The following RPL7 variants were observed in gnomAD, a reference collection of about 807,000 sequenced individuals.
The protein encoded by RPL7 is large ribosomal subunit protein uL30.
For synonymous variants in RPL7, 100 were observed against 102.2 expected (o/e 0.98, Z 0.13); for missense variants, 205 against 301.9 (o/e 0.68, Z 2.38).
intron 1 of RPL7, 60 bp downstream of exon 1, chr8:73,293,538 AC>A: frequency 6.2e-7 from 1 of 1,603,936 alleles, no homozygotes; most frequent in East Asian, 2.2e-5. Flanking sequence ...AAAAAGTGAC[AC>A]AAAAAGTATC....
upstream of RPL7, chr8:73,293,713 G>GA: frequency 1.3e-6 from 2 of 1,482,098 alleles, no homozygotes. Flanking sequence ...GAATAAGCCG[G>GA]AAAAGAATCC....
chr8:73,293,126 T>C (rs1243906436), intron 1 of RPL7: 11 of 269,094 alleles, frequency 4.1e-5, no homozygotes, highest in Admixed American at 2.5e-4. Context: ...ATGTACTAGC[T>C]GAAAGACTAC....
At chr8:73,292,488 T>C (rs1814126555) in intron 2 of RPL7, 83 bp from the exon 3 acceptor site, 6 of 1,316,528 alleles carry the variant, frequency 4.6e-6, no homozygotes, top group Admixed American at 4.3e-5. Context: ...AACTACAACA[T>C]GTTTCCTTTA....
chr8:73,290,743 G>T (rs1270224999), intron 6 of RPL7, 38 bp from the exon 7 acceptor site: 3 of 281,384 alleles, frequency 1.1e-5, no homozygotes, highest in Non-Finnish European at 6.7e-6. Context: ...AAACACTTTA[G>T]GCAGCTAACA....
intron 2 of RPL7, 93 bp from the exon 3 acceptor site, chr8:73,292,498 A>T: frequency 7.8e-7 from 1 of 1,280,072 alleles, no homozygotes; most frequent in Non-Finnish European, 1.1e-6. Context: ...TGTTTCCTTT[A>T]AATCTTTTCT....
intron 6 of RPL7, 84 bp from the exon 7 acceptor site, chr8:73,290,789 GAGTTTACATT>G: frequency 2.3e-6 from 1 of 441,244 alleles, no homozygotes; most frequent in South Asian, 3.5e-5. Flanking sequence ...AGTAATGATT[GAGTTTACATT>G]TTTAAGACCA....
rs192231302 is a variant in RPL7, at chr8:73,290,657, G to C, written c.*50C>G. 671 of 174,748 alleles carry C rather than the reference G, an allele frequency of 3.8e-3. 5 individuals are homozygous for C. Among genetic ancestry groups the C allele is most frequent in the Non-Finnish European group, 5.4e-3 (443 of 82,502 alleles). 10.8% of individuals were successfully genotyped at this position (174,748 alleles called of 1,614,324 possible). On this transcript the variant is annotated 3_prime_UTR_variant, in exon 7 of 7. Coordinates refer to ENST00000352983, the MANE Select transcript of RPL7 (RefSeq NM_000971.4). ...AACAATATATTTCAATTTGAGAGCA[G>C]GTACTGTTTATTAACCAACCAGCTT...
At chr8:73,293,549 C>G (rs753700009) in intron 1 of RPL7, 50 bp downstream of exon 1, 10 of 1,610,074 alleles carry the variant, frequency 6.2e-6, no homozygotes, top group Admixed American at 1.7e-5. Context: ...CAAAAAGTAT[C>G]TGGCTCTGGA....
intron 1 of RPL7, 48 bp from the exon 2 acceptor site, chr8:73,292,845 G>C (rs763890999): frequency 7.2e-7 from 1 of 1,390,588 alleles, no homozygotes; most frequent in Non-Finnish European, 1.0e-6. Context: ...AAAGCTCACA[G>C]CGCTGTATTA....
chr8:73,294,200 G>C (rs1178803733), upstream of RPL7: 1 of 156,192 alleles, frequency 6.4e-6, no homozygotes, highest in Admixed American at 6.4e-5. Flanking sequence ...CGTCGCTCCA[G>C]CCCACAGGGC....
intron 1 of RPL7, 144 bp downstream of exon 1, chr8:73,293,455 C>T (rs1814161430): frequency 1.0e-6 from 1 of 1,000,966 alleles, no homozygotes; most frequent in African/African-American, 1.6e-5. Context: ...AGCCTCAGGT[C>T]CCCACTGGTG....
rs1446466784 is a variant in RPL7 at position 73,292,803 on chromosome 8, G to A, written c.15-6C>T. ...GAACCTCCTTCTTCTTCTCTCTAACGTTAATAAACAAAAATGTTATCAATA... is the reference window on the plus strand; with the variant it reads ...GAACCTCCTTCTTCTTCTCTCTAACATTAATAAACAAAAATGTTATCAATA... On this transcript the variant is annotated splice_polypyrimidine_tract_variant and splice_region_variant and intron_variant, in intron 1 of 6. Transcript: ENST00000352983. 2 of 1,594,558 alleles carry A rather than the reference G, an allele frequency of 1.3e-6. No individual in the cohort carries two copies. Among genetic ancestry groups the A allele is most frequent in the Middle Eastern group, 1.7e-4 (1 of 5,976 alleles).
chr8:73,292,898 G>A (rs1374934162), intron 1 of RPL7, 101 bp from the exon 2 acceptor site: 1 of 810,880 alleles, frequency 1.2e-6, no homozygotes, highest in Non-Finnish European at 2.0e-6. Flanking sequence ...TGCTGTCACT[G>A]ACTTTAGTCA....
In RPL7 at chr8:73,291,424, T is replaced by C. The variant is rs1286066303; in HGVS notation, c.538+128A>G. On this transcript the variant is annotated intron_variant, in intron 5 of 6. Coordinates refer to ENST00000352983, the MANE Select transcript of RPL7 (RefSeq NM_000971.4). Reference sequence around the variant, plus strand: ...GCTAATGAAACCATGTCTTACGTTTTCTTTTAAGCTAAATCAAGAATCATA... The same window carrying C: ...GCTAATGAAACCATGTCTTACGTTTCCTTTTAAGCTAAATCAAGAATCATA... The C allele has an allele frequency of 3.4e-6, 3 of 877,858 alleles. No individual in the cohort carries two copies. In the East Asian group the frequency reaches 8.0e-5, roughly 23 times the overall value. The allele number at this position is 877,858 out of a possible 1,614,324, so 54.4% of individuals were successfully genotyped here.
chr8:73,291,026 A>G lies in RPL7; in HGVS notation c.*1+17T>C. The G allele has an allele frequency of 6.3e-7, 1 of 1,588,294 alleles. No individual in the cohort carries two copies. Among genetic ancestry groups the G allele is most frequent in the Non-Finnish European group, 8.6e-7 (1 of 1,158,420 alleles). On this transcript the variant is annotated intron_variant, in intron 6 of 6. Coordinates refer to ENST00000352983, the MANE Select transcript of RPL7 (RefSeq NM_000971.4). The stretch of plus-strand genomic sequence containing the variant: ...CTCTAACATTAACTCAACCTTTCTC[A>G]GGATGAGGTCTCTCACCTTAGTTCA...
upstream of RPL7, chr8:73,293,690 C>G: frequency 1.9e-6 from 3 of 1,565,414 alleles, no homozygotes; most frequent in Non-Finnish European, 2.6e-6. Context: ...CCCCACGACT[C>G]ATAGGTGTCT....
intron 1 of RPL7, 177 bp from the exon 2 acceptor site, chr8:73,292,974 C>T (rs533606494): frequency 2.2e-6 from 1 of 454,722 alleles, no homozygotes; most frequent in Non-Finnish European, 3.9e-6. Flanking sequence ...ATGTCAATAA[C>T]CTTTAACACC....
chr8:73,291,293 A>G (rs1402135085), intron 5 of RPL7, 41 bp from the exon 6 acceptor site: 2 of 1,486,954 alleles, frequency 1.3e-6, no homozygotes, highest in Admixed American at 1.9e-5. Context: ...AAAGTTGCAA[A>G]AAGTTTTGAA....
At chr8:73,290,932 G>T in intron 6 of RPL7, 111 bp downstream of exon 6, 1 of 809,152 alleles carries the variant, frequency 1.2e-6, no homozygotes, top group Non-Finnish European at 2.0e-6. Context: ...CCCCACAAAA[G>T]CACTGATTAA....
Sources: gnomAD v4.1 joint callset for allele counts on GRCh38, gnomAD v4.1.1 for gene constraint, MANE v1.5 for transcripts, NCBI Gene and HGNC (gene_info 2026-07-23, HGNC 2026-07-21) for gene names.